The following CEP170 variants were observed in gnomAD, a reference collection of about 807,000 sequenced individuals.
CEP170 encodes centrosomal protein 170, also known as centrosomal protein of 170 kDa.
A neutral mutation model predicts 151.9 loss-of-function variants in CEP170; 21 were observed. That is an observed-to-expected ratio of 0.14 (90% CI 0.10 to 0.20). CEP170 has a LOEUF of 0.20. CEP170 is among the 10% of genes least tolerant of loss of function. CEP170 has a pLI of 1.00. For missense variants in CEP170, 964 were observed against 1,892.9 expected, an observed-to-expected ratio of 0.51 and a Z score of 9.11; for synonymous variants, 356 against 648.8, an observed-to-expected ratio of 0.55 and a Z score of 6.86.
rs2059428729 is a variant in CEP170 at position 243,178,849 on chromosome 1, G to T, written c.1567-6003C>A. Among the ~76,000 whole-genome samples, 3 of 151,952 alleles carry T rather than the reference G, an allele frequency of 2.0e-5. No homozygotes were observed. The South Asian group carries it at 6.2e-4, about 31-fold the overall frequency. The stretch of plus-strand genomic sequence containing the variant: ...TTCTCCTGCCTCAGCCTCCCGAGTA[G>T]CTGGGATTGCAGGCTCATGCCCCAT... On this transcript the variant is annotated intron_variant, in intron 10 of 19. Coordinates refer to ENST00000366542, the MANE Select transcript of CEP170 (RefSeq NM_014812.3).
In CEP170 at chr1:243,147,919, G is replaced by A. The variant is rs2148378915; in HGVS notation, c.3912-5456C>T. Among the ~76,000 whole-genome samples, 2 of 152,304 alleles carry A rather than the reference G, an allele frequency of 1.3e-5. 1 individual carries two copies. The highest frequency in any genetic ancestry group is 1.3e-4 in the Admixed American group (2 of 15,294). ...AAAGAGGCTGGGCACAGTGGCTCAC[G>A]CCTGTAATCTCAGCACTTTGGGAGG... On this transcript the variant is annotated intron_variant, in intron 14 of 19. Transcript: ENST00000366542.
intron 3 of CEP170, among the ~76,000 whole-genome samples, chr1:243,213,568 A>AGAC (rs1221039648): frequency 1.3e-5 from 2 of 152,206 alleles, no homozygotes; most frequent in Admixed American, 6.5e-5. Flanking sequence ...AGACAGTCAT[A>AGAC]GACACATTTT....
chr1:243,137,779 T>TAA (rs773221196), intron 16 of CEP170, among the ~76,000 whole-genome samples: 6 of 96,972 alleles, frequency 6.2e-5, no homozygotes, highest in Admixed American at 2.1e-4. Flanking sequence ...CTCTCAAAAT[T>TAA]AAAAAAAAAA....
intron 17 of CEP170, among the ~76,000 whole-genome samples, chr1:243,134,845 G>C (rs2148230301): frequency 6.6e-6 from 1 of 152,096 alleles, no homozygotes; most frequent in Admixed American, 6.5e-5. Context: ...ATCAAATATG[G>C]AGGGGTCTGT....
chr1:243,203,981 C>G (rs1265272414), intron 4 of CEP170, among the ~76,000 whole-genome samples: 2 of 152,090 alleles, frequency 1.3e-5, no homozygotes, highest in African/African-American at 2.4e-5. Flanking sequence ...AGATGATTAT[C>G]TTTCCAACTT....
At chr1:243,197,557 G>A (rs1370154970) in intron 7 of CEP170, among the ~76,000 whole-genome samples, 3 of 151,926 alleles carry the variant, frequency 2.0e-5, no homozygotes, top group African/African-American at 4.8e-5. Context: ...AAGGTCTTCC[G>A]GAAGTAACGT....
At chr1:243,213,064 G>A (rs943885810) in intron 3 of CEP170, among the ~76,000 whole-genome samples, 16 of 151,848 alleles carry the variant, frequency 1.1e-4, no homozygotes, top group East Asian at 3.9e-4. Flanking sequence ...AAATAGTACC[G>A]TTTCAGTAAA....
chr1:243,192,809 A>G (rs1021495117), intron 7 of CEP170, among the ~76,000 whole-genome samples: 2 of 152,234 alleles, frequency 1.3e-5, no homozygotes, highest in Admixed American at 1.3e-4. Flanking sequence ...AGAATGATAT[A>G]GTAACATCTC....
At chr1:243,206,335 T>C (rs1243260534) in intron 4 of CEP170, among the ~76,000 whole-genome samples, 1 of 152,214 alleles carries the variant, frequency 6.6e-6, no homozygotes, top group Non-Finnish European at 1.5e-5. Context: ...GGTTTCCCCA[T>C]GTTTGCGAGG....
At chr1:243,252,770 A>T (rs1380242208) in intron 1 of CEP170, among the ~76,000 whole-genome samples, 1 of 152,196 alleles carries the variant, frequency 6.6e-6, no homozygotes, top group East Asian at 1.9e-4. Context: ...TTTAAAGTTG[A>T]AATTTAAGAT....
At chr1:243,239,591 C>T (rs998080887) in intron 1 of CEP170, among the ~76,000 whole-genome samples, 1 of 152,188 alleles carries the variant, frequency 6.6e-6, no homozygotes, top group African/African-American at 2.4e-5. Context: ...TTACTCTGCT[C>T]CTCCCTTGTA....
intron 13 of CEP170, among the ~76,000 whole-genome samples, chr1:243,158,544 T>C (rs1457076403): frequency 4.6e-5 from 7 of 152,052 alleles, no homozygotes; most frequent in East Asian, 1.9e-4. Context: ...GAAGGAGAAA[T>C]TGAGTACCAA....
At chr1:243,233,864 C>T (rs547092356) in intron 1 of CEP170, among the ~76,000 whole-genome samples, 1 of 151,388 alleles carries the variant, frequency 6.6e-6, no homozygotes, top group South Asian at 2.1e-4. Context: ...TAAGTTGAGA[C>T]AGGCAATAAT....
At chr1:243,159,763 TTGTGTGTG>T (rs565534328) in intron 13 of CEP170, among the ~76,000 whole-genome samples, 14 of 127,164 alleles carry the variant, frequency 1.1e-4, no homozygotes, top group Admixed American at 3.1e-4. Context: ...GTTTCCGGTT[TTGTGTGTG>T]TGTGTGTGTG....
At chr1:243,150,254 G>A (rs1471555442) in intron 14 of CEP170, among the ~76,000 whole-genome samples, 4 of 152,108 alleles carry the variant, frequency 2.6e-5, no homozygotes, top group African/African-American at 7.2e-5. Context: ...AAGTTTCAAC[G>A]ATTCTCCTGC....
chr1:243,132,218 C>T (rs2787251), intron 17 of CEP170, among the ~76,000 whole-genome samples: 13 of 150,908 alleles, frequency 8.6e-5, no homozygotes, highest in African/African-American at 1.7e-4. Flanking sequence ...GCACTTTCCA[C>T]GCAGAAGGCC....
chr1:243,186,440 AC>A lies in CEP170; in HGVS notation c.1109-19del. 6.3e-7 allele frequency: 1 copy of A among 1,579,368 alleles called. No individual in the cohort carries two copies. Among genetic ancestry groups the A allele is most frequent in the South Asian group, 1.2e-5 (1 of 84,500 alleles). Reference sequence around the variant, plus strand: ...TTTATTTCCTGGATACAAAAAGAAAACACACAATAGAGAAGGAAAAAGTCCC... The same window carrying A: ...TTTATTTCCTGGATACAAAAAGAAAAACACAATAGAGAAGGAAAAAGTCCC... On this transcript the variant is annotated intron_variant, in intron 8 of 19. Transcript: ENST00000366542.
At chr1:243,250,598 C>T (rs1405688650) in intron 1 of CEP170, among the ~76,000 whole-genome samples, 3 of 152,164 alleles carry the variant, frequency 2.0e-5, no homozygotes, top group Admixed American at 2.0e-4. Context: ...TAAAACAAAA[C>T]CCCATGACCA....
At chr1:243,216,617 A>G (rs1244255121) in intron 3 of CEP170, among the ~76,000 whole-genome samples, 3 of 152,214 alleles carry the variant, frequency 2.0e-5, no homozygotes, top group African/African-American at 7.2e-5. Context: ...AGCTCTTTGT[A>G]ATATGCCATA....
Sources: gnomAD v4.1 joint callset for allele counts (sites outside exome capture counted in the v4.1 genomes callset) on GRCh38, gnomAD v4.1.1 for gene constraint, MANE v1.5 for transcripts, NCBI Gene and HGNC (gene_info 2026-07-23, HGNC 2026-07-21) for gene names.